Variants in ZNF248 observed in about 807,000 individuals in gnomAD.
The protein encoded by ZNF248 is KRAB protein domain.
ZNF248 carries 20 observed loss-of-function variants against 44.3 expected under a neutral mutation model. The observed-to-expected ratio is 0.45, with a 90% CI of 0.32 to 0.66. The LOEUF (loss-of-function observed/expected upper bound fraction) is 0.66, where lower values mean the gene tolerates loss of function less well. Ranked by LOEUF, ZNF248 falls within the 30% of genes least tolerant of loss-of-function variation. The pLI, the probability that ZNF248 is intolerant of heterozygous loss-of-function variation, is 0.04. For missense variants in ZNF248, 654 were observed against 677.0 expected, an observed-to-expected ratio of 0.97 and a Z score of 0.38; for synonymous variants, 224 against 229.0, an observed-to-expected ratio of 0.98 and a Z score of 0.20.
the ZNF248 span, among the ~76,000 whole-genome samples, chr10:37,760,106 C>T: frequency 6.6e-6 from 1 of 152,078 alleles, no homozygotes; most frequent in Non-Finnish European, 1.5e-5. Flanking sequence ...CAGGGTAATG[C>T]AAATCCAATC....
At chr10:37,811,553 G>T (rs1190871309) in intron 6 of ZNF248, among the ~76,000 whole-genome samples, 2 of 151,936 alleles carry the variant, frequency 1.3e-5, no homozygotes, top group African/African-American at 4.8e-5. Flanking sequence ...GAAATTTCTA[G>T]GCCAGGCGCA....
At chr10:37,814,108 G>C (rs1011665742) in intron 6 of ZNF248, among the ~76,000 whole-genome samples, 2 of 151,942 alleles carry the variant, frequency 1.3e-5, no homozygotes, top group Admixed American at 6.6e-5. Context: ...CTGAATTACA[G>C]CTCTTTTCTT....
At chr10:37,790,769 A>T (rs944824199) in intron 6 of ZNF248, among the ~76,000 whole-genome samples, 5 of 149,094 alleles carry the variant, frequency 3.4e-5, no homozygotes, top group Admixed American at 6.7e-5. Flanking sequence ...AAATAAAAAA[A>T]GTTAGCCAAG....
the ZNF248 span, among the ~76,000 whole-genome samples, chr10:37,767,881 A>T: frequency 1.3e-5 from 2 of 152,174 alleles, no homozygotes; most frequent in Non-Finnish European, 2.9e-5. Flanking sequence ...CAGGAAACCC[A>T]TCTCACGTGC....
At chr10:37,841,401 A>C (rs1554846096) in intron 3 of ZNF248, among the ~76,000 whole-genome samples, 3 of 151,620 alleles carry the variant, frequency 2.0e-5, no homozygotes, top group Non-Finnish European at 2.9e-5. Context: ...AATTTCTCTG[A>C]CCACTTTGTT....
chr10:37,832,296 A>T lies in ZNF248; in HGVS notation c.1059T>A (p.Asp353Glu), dbSNP rs778146798. ...QIVHMGGKSY[D>E]YNENGSNFSK... ...TGAAATTACTCCCATTTTCATTGTA[A>T]TCATAAGACTTTCCCCCCATGTGTA... The change falls in exon 6 of 6, where the codon GAT (aspartate) becomes GAA (glutamate). Residue 353 changes from aspartate to glutamate, a missense_variant. Transcript: ENST00000395867. The T allele has an allele frequency of 6.2e-7, 1 of 1,614,002 alleles. No homozygotes were observed. Among genetic ancestry groups the T allele is most frequent in the East Asian group, 2.2e-5 (1 of 44,876 alleles).
chr10:37,812,546 C>A (rs1474411283), intron 6 of ZNF248, among the ~76,000 whole-genome samples: 1 of 152,130 alleles, frequency 6.6e-6, no homozygotes, highest in African/African-American at 2.4e-5. Flanking sequence ...ACAGTGAGAA[C>A]CATTTTTCTG....
intron 6 of ZNF248, among the ~76,000 whole-genome samples, chr10:37,816,110 C>T (rs2052412536): frequency 6.6e-6 from 1 of 151,926 alleles, no homozygotes; most frequent in South Asian, 2.1e-4. Flanking sequence ...TTCACTTTCT[C>T]CACCCTAGGC....
At chr10:37,766,139 C>A in the ZNF248 span, among the ~76,000 whole-genome samples, 1 of 152,260 alleles carries the variant, frequency 6.6e-6, no homozygotes, top group Non-Finnish European at 1.5e-5. Flanking sequence ...CCCACCACAG[C>A]TCAAGGAGGC....
At chr10:37,760,669 A>C in the ZNF248 span, among the ~76,000 whole-genome samples, 1 of 152,204 alleles carries the variant, frequency 6.6e-6, no homozygotes, top group South Asian at 2.1e-4. Context: ...CCCCGTTTCT[A>C]CTAAAAGTAC....
At chr10:37,819,894 C>A in intron 6 of ZNF248, 1 of 775,788 alleles carries the variant, frequency 1.3e-6, no homozygotes, top group Non-Finnish European at 2.4e-6. Flanking sequence ...TGATAAGATT[C>A]TGAAAAGCAT....
chr10:37,780,982 G>T (rs568635145), intron 6 of ZNF248, among the ~76,000 whole-genome samples: 1 of 151,232 alleles, frequency 6.6e-6, no homozygotes, highest in Non-Finnish European at 1.5e-5. Flanking sequence ...TGCGGGACAC[G>T]TTTTTGTTCG....
At chr10:37,853,967 T>C (rs2060802370) in intron 3 of ZNF248, among the ~76,000 whole-genome samples, 1 of 152,146 alleles carries the variant, frequency 6.6e-6, no homozygotes, top group Non-Finnish European at 1.5e-5. Flanking sequence ...TCTAAAGTCG[T>C]AATACTAAAG....
At chr10:37,838,183 T>A in intron 3 of ZNF248, 72 bp from the exon 4 acceptor site, 2 of 1,452,122 alleles carry the variant, frequency 1.4e-6, no homozygotes, top group Non-Finnish European at 1.9e-6. Context: ...AGAGAACTAA[T>A]CTCTTTAGAG....
At chr10:37,767,304 G>C in the ZNF248 span, among the ~76,000 whole-genome samples, 32,000 of 151,864 alleles carry the variant, frequency 0.21, 3,588 homozygotes, top group Middle Eastern at 0.29. Flanking sequence ...AGAAGAGCAA[G>C]TCCAAGACAC....
chr10:37,828,535 A>C (rs1324929954), downstream of ZNF248, among the ~76,000 whole-genome samples: 1 of 152,206 alleles, frequency 6.6e-6, no homozygotes, highest in African/African-American at 2.4e-5. Context: ...ATTTTACAAC[A>C]AACTATCATT....
chr10:37,765,521 C>T, the ZNF248 span, among the ~76,000 whole-genome samples: 1 of 152,154 alleles, frequency 6.6e-6, no homozygotes, highest in Non-Finnish European at 1.5e-5. Flanking sequence ...CACCAGTCTC[C>T]CAACAACAAA....
At chr10:37,801,501 A>G (rs1213313058) in intron 6 of ZNF248, among the ~76,000 whole-genome samples, 2 of 152,222 alleles carry the variant, frequency 1.3e-5, no homozygotes, top group Non-Finnish European at 2.9e-5. Flanking sequence ...TATAAATAAA[A>G]TGCAAGAGAA....
chr10:37,767,254 G>T, the ZNF248 span, among the ~76,000 whole-genome samples: 2 of 152,102 alleles, frequency 1.3e-5, no homozygotes, highest in African/African-American at 2.4e-5. Flanking sequence ...CCAACGTTCA[G>T]ATTCAGGAAA....
Sources: gnomAD v4.1 joint callset for allele counts (sites outside exome capture counted in the v4.1 genomes callset) on GRCh38, gnomAD v4.1.1 for gene constraint, MANE v1.5 for transcripts, NCBI Gene and HGNC (gene_info 2026-07-23, HGNC 2026-07-21) for gene names.